NFIA: variants seen among roughly 807,000 people sequenced by gnomAD.
The protein encoded by NFIA is nuclear factor 1 A-type.
A neutral mutation model predicts 62.8 loss-of-function variants in NFIA; 8 were observed. The observed-to-expected ratio is 0.13, with a 90% CI of 0.07 to 0.23. The LOEUF (loss-of-function observed/expected upper bound fraction) is 0.23, where lower values mean the gene tolerates loss of function less well. NFIA is among the 10% of genes least tolerant of loss of function. The pLI is 1.00. For synonymous variants in NFIA, 235 were observed against 238.1 expected (o/e 0.99, Z 0.12); for missense variants, 410 against 642.1 (o/e 0.64, Z 3.91).
chr1:61,129,372 C>G (rs1165872243), intron 2 of NFIA, among the ~76,000 whole-genome samples: 1 of 151,920 alleles, frequency 6.6e-6, no homozygotes, highest in Admixed American at 6.5e-5. Context: ...TCCACACAAC[C>G]TTAAAGGATT....
At chr1:61,330,436 A>AACCCCCCC (rs1661233480) in intron 3 of NFIA, among the ~76,000 whole-genome samples, 1 of 63,480 alleles carries the variant, frequency 1.6e-5, no homozygotes, top group African/African-American at 5.0e-5. Flanking sequence ...AAATAGATAC[A>AACCCCCCC]CCCCCCCCAC....
At chr1:61,138,801 C>T (rs1051272087) in intron 2 of NFIA, among the ~76,000 whole-genome samples, 3 of 151,000 alleles carry the variant, frequency 2.0e-5, no homozygotes, top group South Asian at 2.1e-4. Context: ...ATGCTGGTCT[C>T]GAACTCCTGG....
intron 6 of NFIA, among the ~76,000 whole-genome samples, chr1:61,369,903 A>G (rs1351637773): frequency 6.6e-6 from 1 of 152,152 alleles, no homozygotes; most frequent in Non-Finnish European, 1.5e-5. Flanking sequence ...TTTTTCCTAC[A>G]TACTGATGAT....
At position 61,426,502 on chromosome 1, in the gene NFIA, C is replaced by T. The variant is rs11555854; in HGVS notation, c.1458C>T (p.Phe486=). 2 of 1,551,932 alleles carry T rather than the reference C, an allele frequency of 1.3e-6. No individual in the cohort carries two copies. The highest frequency in any genetic ancestry group is 1.7e-6 in the Non-Finnish European group (2 of 1,147,048). ...STPSTSPANR[F]VSVGPRDPSF... ...CCAGCACCTCCCCCGCAAACCGATTCGTCAGTGTTGGACCACGGGATCCAA... is the reference window on the plus strand; with the variant it reads ...CCAGCACCTCCCCCGCAAACCGATTTGTCAGTGTTGGACCACGGGATCCAA... The change falls in exon 10 of 11, where the codon TTC becomes TTT. Residue 486 remains phenylalanine (F), a synonymous_variant. Coordinates refer to ENST00000403491, the MANE Select transcript of NFIA (RefSeq NM_001134673.4).
chr1:61,123,552 A>G (rs904707797), intron 2 of NFIA, among the ~76,000 whole-genome samples: 2 of 152,216 alleles, frequency 1.3e-5, no homozygotes, highest in African/African-American at 4.8e-5. Flanking sequence ...ATAAGTCTGT[A>G]TAATTTGGAG....
At chr1:61,225,075 C>T (rs1176930106) in intron 2 of NFIA, among the ~76,000 whole-genome samples, 2 of 151,988 alleles carry the variant, frequency 1.3e-5, no homozygotes, top group African/African-American at 4.8e-5. Flanking sequence ...CTATTGAACC[C>T]TTCCACCTTA....
At chr1:61,156,818 C>G (rs1183368403) in intron 2 of NFIA, among the ~76,000 whole-genome samples, 1 of 152,216 alleles carries the variant, frequency 6.6e-6, no homozygotes, top group African/African-American at 2.4e-5. Context: ...CTTCACTTTG[C>G]TTTAAAAGGG....
chr1:61,177,806 T>C (rs1005808235), intron 2 of NFIA, among the ~76,000 whole-genome samples: 3 of 152,050 alleles, frequency 2.0e-5, no homozygotes, highest in Non-Finnish European at 4.4e-5. Flanking sequence ...ATAAACCAAC[T>C]CTATTATTGG....
chr1:61,332,397 G>A lies in NFIA; in HGVS notation c.626-115G>A, dbSNP rs536360195. 1.3e-3 allele frequency: 1,251 copies of A among 938,772 alleles called. 4 individuals carry two copies. The highest frequency in any genetic ancestry group is 1.7e-3 in the Non-Finnish European group (1,031 of 601,714). The allele number at this position is 938,772 out of a possible 1,614,324, so 58.2% of individuals were successfully genotyped here. A position where few individuals can be genotyped will look rare whatever the true frequency, so the allele number is the denominator to read the frequency against. On this transcript the variant is annotated intron_variant, in intron 3 of 10. Coordinates refer to ENST00000403491, the MANE Select transcript of NFIA (RefSeq NM_001134673.4). ...TCCCACATAAACCCCAAGGAGAGCA[G>A]AGAATGAGATTAGGCACCACATGTG...
At chr1:61,187,747 C>T (rs1651299458) in intron 2 of NFIA, among the ~76,000 whole-genome samples, 3 of 152,220 alleles carry the variant, frequency 2.0e-5, no homozygotes, top group South Asian at 2.1e-4. Flanking sequence ...GTTTTCCCTG[C>T]CTTGAAGACT....
chr1:61,426,921 T>C (rs551498673), intron 10 of NFIA, among the ~76,000 whole-genome samples: 2 of 152,050 alleles, frequency 1.3e-5, no homozygotes, highest in East Asian at 3.9e-4. Context: ...GACATCAGAG[T>C]GCATGCTGGG....
At chr1:61,279,440 G>A (rs953822469) in intron 3 of NFIA, among the ~76,000 whole-genome samples, 1 of 150,458 alleles carries the variant, frequency 6.6e-6, no homozygotes, top group Non-Finnish European at 1.5e-5. Context: ...TTTGTTTTTA[G>A]TGTCATATAC....
intron 8 of NFIA, among the ~76,000 whole-genome samples, chr1:61,406,166 T>C (rs569301017): frequency 2.4e-4 from 37 of 152,146 alleles, no homozygotes; most frequent in Non-Finnish European, 4.6e-4. Context: ...ATATTAAATA[T>C]TTAATAATCA....
chr1:61,226,564 A>G (rs1243549002), intron 2 of NFIA, among the ~76,000 whole-genome samples: 1 of 152,186 alleles, frequency 6.6e-6, no homozygotes, highest in Non-Finnish European at 1.5e-5. Context: ...AATTCAGTCC[A>G]AAGATGGTTG....
In NFIA at chr1:61,457,483, A is replaced by C. The variant is rs1668359857; in HGVS notation, c.*2163A>C. 6.6e-6 allele frequency: 1 copy of C among 152,100 alleles called. No individual in the cohort carries two copies. The highest frequency in any genetic ancestry group is 1.5e-5 in the Non-Finnish European group (1 of 68,014). 9.4% of individuals were successfully genotyped at this position (152,100 alleles called of 1,614,324 possible). ...CGGTCGGTGGCAGTGCTATTCTGAG[A>C]TCTGTAGATGCTTAGAATATCAGTA... On this transcript the variant is annotated 3_prime_UTR_variant, in exon 11 of 11. Transcript: ENST00000403491. This position sits in a 1 kb window ranked among gnomAD's most constrained non-coding sequence, Gnocchi z 4.2.
chr1:61,387,659 A>C (rs568962434), intron 7 of NFIA, among the ~76,000 whole-genome samples: 12 of 152,086 alleles, frequency 7.9e-5, no homozygotes, highest in Middle Eastern at 3.4e-3. Context: ...CTGGAGGAGA[A>C]CCTCCAAAGG....
At chr1:61,247,933 T>G (rs1442752728) in intron 2 of NFIA, among the ~76,000 whole-genome samples, 1 of 152,160 alleles carries the variant, frequency 6.6e-6, no homozygotes, top group Non-Finnish European at 1.5e-5. Context: ...AGCTTTTTTG[T>G]TTTTTGGTGA....
chr1:61,438,998 GACACACACACAC>G (rs3076170), intron 10 of NFIA, among the ~76,000 whole-genome samples: 42 of 141,954 alleles, frequency 3.0e-4, no homozygotes, highest in African/African-American at 5.5e-4. Context: ...CATGCATGCA[GACACACACACAC>G]ACACACACAC....
intron 2 of NFIA, among the ~76,000 whole-genome samples, chr1:61,117,850 A>C (rs1367951632): frequency 6.6e-6 from 1 of 152,188 alleles, no homozygotes; most frequent in Non-Finnish European, 1.5e-5. Flanking sequence ...AGTAGGTACC[A>C]GTTCATTAGT....
Sources: allele counts gnomAD v4.1 joint callset (sites outside exome capture counted in the v4.1 genomes callset), GRCh38; gene constraint gnomAD v4.1.1; non-coding constraint Gnocchi (gnomAD v3.1); transcripts MANE v1.5; gene names NCBI Gene and HGNC (gene_info 2026-07-23, HGNC 2026-07-21).